Variants in DOCK8 observed in about 807,000 individuals in gnomAD.
DOCK8 encodes the protein dedicator of cytokinesis protein 8.
DOCK8 carries 141 observed loss-of-function variants against 245.6 expected under a neutral mutation model. That is an observed-to-expected ratio of 0.57 (90% CI 0.50 to 0.66). The LOEUF is 0.66. Ranked by LOEUF, DOCK8 falls within the 30% of genes least tolerant of loss-of-function variation. The pLI, the probability that DOCK8 is intolerant of heterozygous loss-of-function variation, is 0.00. For missense variants in DOCK8, 2,965 were observed against 2,603.4 expected (o/e 1.14, Z -3.02); for synonymous variants, 1,168 against 970.2 (o/e 1.20, Z -3.79).
intron 7 of DOCK8, among the ~76,000 whole-genome samples, chr9:323,270 C>G (rs1481195342): frequency 8.5e-6 from 1 of 118,098 alleles, no homozygotes; most frequent in African/African-American, 3.3e-5. Flanking sequence ...ATTGTCCAGG[C>G]TGGAGTGCAG....
At chr9:240,114 T>C (rs1006013029) in intron 1 of DOCK8, among the ~76,000 whole-genome samples, 2 of 152,246 alleles carry the variant, frequency 1.3e-5, no homozygotes, top group Admixed American at 1.3e-4. Flanking sequence ...TGCAAGGTTT[T>C]GTGTGGCATC....
At chr9:433,054 C>T (rs968261646) in intron 37 of DOCK8, among the ~76,000 whole-genome samples, 8 of 152,226 alleles carry the variant, frequency 5.3e-5, no homozygotes, top group African/African-American at 7.2e-5. Context: ...TTTCCGGAGT[C>T]TGTTTTGCCC....
intron 7 of DOCK8, 38 bp from the exon 8 acceptor site, chr9:325,633 C>T: frequency 1.3e-6 from 2 of 1,584,146 alleles, no homozygotes; most frequent in Non-Finnish European, 1.7e-6. Context: ...AATTATCTAA[C>T]TCAAAGCCAC....
intron 14 of DOCK8, among the ~76,000 whole-genome samples, chr9:344,870 G>C: frequency 6.6e-6 from 1 of 152,090 alleles, no homozygotes; most frequent in East Asian, 1.9e-4. Context: ...TGGCCAACAC[G>C]GTGACCCCTT....
intron 6 of DOCK8, among the ~76,000 whole-genome samples, chr9:316,262 T>A (rs899795854): frequency 5.9e-5 from 9 of 152,244 alleles, no homozygotes; most frequent in Non-Finnish European, 1.3e-4. Flanking sequence ...TTGGAAAGCA[T>A]ACTGCAAGAG....
chr9:421,479 G>A (rs1025843721), intron 32 of DOCK8, among the ~76,000 whole-genome samples: 4 of 152,070 alleles, frequency 2.6e-5, no homozygotes, highest in Non-Finnish European at 4.4e-5. Context: ...TCATCTTCTC[G>A]ATCATTCAGG....
At chr9:347,924 C>T (rs10491689) in intron 14 of DOCK8, among the ~76,000 whole-genome samples, 6,247 of 152,294 alleles carry the variant, frequency 0.041, 271 homozygotes, top group African/African-American at 0.1. Context: ...TTCAGACACA[C>T]GACTACCTTT....
intron 1 of DOCK8, among the ~76,000 whole-genome samples, chr9:267,673 A>G (rs1447343203): frequency 2.0e-5 from 3 of 152,124 alleles, no homozygotes; most frequent in East Asian, 1.9e-4. Context: ...TGCTCATACT[A>G]TTTTTTACTG....
chr9:398,258 T>G (rs2054556357), intron 25 of DOCK8, among the ~76,000 whole-genome samples: 1 of 152,060 alleles, frequency 6.6e-6, no homozygotes, highest in South Asian at 2.1e-4. Flanking sequence ...CCAGGAGGAG[T>G]GGCCATGTGG....
intron 46 of DOCK8, chr9:454,755 A>T (rs938370937): frequency 2.6e-5 from 4 of 152,182 alleles, no homozygotes; most frequent in Non-Finnish European, 5.9e-5. Flanking sequence ...AAATCTTGCA[A>T]TCCAGTATCT....
At chr9:310,078 G>T (rs1337725847) in intron 5 of DOCK8, among the ~76,000 whole-genome samples, 3 of 151,958 alleles carry the variant, frequency 2.0e-5, no homozygotes, top group Non-Finnish European at 4.4e-5. Flanking sequence ...GACCAGCCTG[G>T]CCAACATGGT....
At chr9:390,433 C>CT in intron 23 of DOCK8, 38 bp from the exon 24 acceptor site, 2 of 1,577,508 alleles carry the variant, frequency 1.3e-6, no homozygotes, top group Non-Finnish European at 1.7e-6. Context: ...TAATAATAGC[C>CT]TTTGTTTCAC....
At chr9:212,680 G>T (rs936346904), upstream of DOCK8, 5 of 152,144 alleles carry the variant, frequency 3.3e-5, no homozygotes, top group African/African-American at 1.2e-4. Context: ...ACAGCACAGA[G>T]GATAATAATG....
In DOCK8 at chr9:215,013, G is replaced by C. The variant is rs749272308; in HGVS notation, c.37G>C (p.Ala13Pro). The C allele has an allele frequency of 8.2e-6, 13 of 1,592,152 alleles. No homozygotes were observed. The highest frequency in any genetic ancestry group is 1.0e-5 in the Non-Finnish European group (12 of 1,174,590). The change falls in exon 1 of 48, where the codon GCG becomes CCG. Residue 13 changes from alanine to proline, a missense_variant. By Grantham distance (27) the Ala-to-Pro change is conservative. Coordinates refer to ENST00000432829, the MANE Select transcript of DOCK8 (RefSeq NM_203447.4). The part of the protein sequence containing the change: ...TLPSAERRAF[A>P]LKINRYSSAE... ...GCCGAGCGCAGAGCGCCGCGCGTTC[G>C]CGCTCAAGATCAACAGGTAAGACGC...
In DOCK8 at chr9:426,973, A is replaced by G; in HGVS notation, c.4330A>G (p.Ile1444Val). Residue 1444 changes from isoleucine (I) to valine (V), a missense_variant, in exon 34 of 48, where the codon ATT (isoleucine) becomes GTT (valine). By Grantham distance (29) the Ile-to-Val change is conservative (BLOSUM62 3). Transcript: ENST00000432829. ...HLIILDMQEN[I>V]IQASSALDCK... ...AATCATCCTGGATATGCAGGAAAAC[A>G]TTATCCAGGTGAGGAAAACAAACAC... 3.1e-6 allele frequency: 5 copies of G among 1,613,554 alleles called. No individual in the cohort carries two copies. Among genetic ancestry groups the G allele is most frequent in the South Asian group, 1.1e-5 (1 of 91,036 alleles).
chr9:248,298 C>T (rs1333139516), intron 1 of DOCK8, among the ~76,000 whole-genome samples: 3 of 152,216 alleles, frequency 2.0e-5, no homozygotes, highest in Non-Finnish European at 4.4e-5. Context: ...CACCTTTAAG[C>T]CGTCAATACT....
Position 379,891 on chromosome 9 carries a change from A to C in DOCK8, c.2561A>C (p.Tyr854Ser). 6.2e-7 allele frequency: 1 copy of C among 1,614,162 alleles called. No homozygotes were observed. Among genetic ancestry groups the C allele is most frequent in the Non-Finnish European group, 8.5e-7 (1 of 1,180,020 alleles). The change falls in exon 21 of 48, where the codon TAC becomes TCC. Residue 854 changes from tyrosine (Y) to serine (S), a missense_variant. Physicochemically the swap from Tyr to Ser is moderately radical, Grantham distance 144. Around this residue, in one of 3 missense-constraint regions of DOCK8, gnomAD observed 2,825 missense variants for 2,453.5 expected, o/e 1.15. Transcript: ENST00000432829. ...TGCCTGCTGGCTTCCTACGTGCACT[A>C]CGTCTTCCGCCTGCCAGAGGTGCAA... ...RNCLLASYVH[Y>S]VFRLPEVQRD...
At chr9:445,669 A>G (rs9298998) in intron 43 of DOCK8, among the ~76,000 whole-genome samples, 59,793 of 152,064 alleles carry the variant, frequency 0.39, 14,481 homozygotes, top group Non-Finnish European at 0.55. Flanking sequence ...GCTGAGTAGT[A>G]TTCTGTTGTG....
chr9:350,794 T>C (rs189395627), intron 14 of DOCK8, among the ~76,000 whole-genome samples: 41 of 152,226 alleles, frequency 2.7e-4, no homozygotes, highest in Non-Finnish European at 3.5e-4. Flanking sequence ...TGGGGAGGAA[T>C]GTGGAAGAGG....
Sources: allele counts gnomAD v4.1 joint callset (sites outside exome capture counted in the v4.1 genomes callset), GRCh38; gene constraint gnomAD v4.1.1; regional missense constraint gnomAD v4.1.1; transcripts MANE v1.5; gene names NCBI Gene and HGNC (gene_info 2026-07-23, HGNC 2026-07-21).